NCOA2: variants seen among roughly 807,000 people sequenced by gnomAD.
The protein encoded by NCOA2 is nuclear receptor coactivator 2.
NCOA2 carries 21 observed loss-of-function variants against 145.1 expected under a neutral mutation model. The observed-to-expected ratio is 0.14, with a 90% CI of 0.10 to 0.21. NCOA2 has a LOEUF of 0.21. Ranked by LOEUF, NCOA2 falls within the 10% of genes least tolerant of loss-of-function variation. The pLI is 1.00. For missense variants in NCOA2, 1,472 were observed against 1,837.6 expected (o/e 0.80, Z 3.64); for synonymous variants, 619 against 637.5 (o/e 0.97, Z 0.44).
At chr8:70,276,720 G>C (rs1011539982) in intron 2 of NCOA2, among the ~76,000 whole-genome samples, 4 of 152,282 alleles carry the variant, frequency 2.6e-5, no homozygotes, top group East Asian at 1.9e-4. Flanking sequence ...ATGTGAAACT[G>C]TGAGTCAATT....
intron 2 of NCOA2, among the ~76,000 whole-genome samples, chr8:70,282,902 T>C (rs1180024590): frequency 6.6e-6 from 1 of 152,206 alleles, no homozygotes; most frequent in African/African-American, 2.4e-5. Context: ...TTTTCTAAAA[T>C]ACTAATGTAC....
Position 70,128,787 on chromosome 8 carries a change from C to T in NCOA2, c.3518G>A (p.Arg1173Lys). The change falls in exon 17 of 23, where the codon AGA (arginine) becomes AAA (lysine). Residue 1173 changes from arginine to lysine, a missense_variant. By Grantham distance (26) the Arg-to-Lys change is conservative. Transcript: ENST00000452400. ...PSYATLRMQP[R>K]PGLRPTGLVQ... ...TAGGCCCGTGGGCCTGAGGCCCGGT[C>T]TGGGCTGCATACGGAGTGTGGCATA... is the stretch of plus-strand genomic sequence containing the variant. 1 of 1,614,052 alleles carries T rather than the reference C, an allele frequency of 6.2e-7. No individual in the cohort carries two copies. Among genetic ancestry groups the T allele is most frequent in the Non-Finnish European group, 8.5e-7 (1 of 1,179,906 alleles).
the NCOA2 span, among the ~76,000 whole-genome samples, chr8:70,441,782 G>GAGAAAGAAAGAAAGAA: frequency 1.1e-4 from 15 of 139,414 alleles, no homozygotes; most frequent in African/African-American, 4.1e-4. Context: ...AAAGAAAGAA[G>GAGAAAGAAAGAAAGAA]AGAAAGAAAG....
chr8:70,123,881 C>CA lies in NCOA2; in HGVS notation c.4293+2dup. On this transcript the variant is annotated splice_region_variant and intron_variant, in intron 21 of 22. Coordinates refer to ENST00000452400, the MANE Select transcript of NCOA2 (RefSeq NM_006540.4). ...ACTGGGTTGCTTCTCCTTGGGCACT[C>CA]ACCTGCTCGGGACCCATGGAGGACA... is the stretch of plus-strand genomic sequence containing the variant. The CA allele has an allele frequency of 6.2e-7, 1 of 1,603,258 alleles. No homozygotes were observed. Among genetic ancestry groups the CA allele is most frequent in the Non-Finnish European group, 8.5e-7 (1 of 1,172,930 alleles).
At chr8:70,328,370 C>T (rs374774746) in intron 1 of NCOA2, among the ~76,000 whole-genome samples, 14 of 152,270 alleles carry the variant, frequency 9.2e-5, no homozygotes, top group Non-Finnish European at 1.3e-4. Context: ...TATGTTTCTA[C>T]GCAATAAGTT....
At chr8:70,352,759 T>G (rs141169571) in intron 1 of NCOA2, among the ~76,000 whole-genome samples, 6 of 152,322 alleles carry the variant, frequency 3.9e-5, no homozygotes, top group Admixed American at 6.5e-5. Context: ...TCTATTACAG[T>G]TTTCTTAACA....
chr8:70,205,709 G>A (rs1181961866), intron 4 of NCOA2, among the ~76,000 whole-genome samples: 1 of 152,128 alleles, frequency 6.6e-6, no homozygotes, highest in Admixed American at 6.6e-5. Flanking sequence ...AAGTGCAAAG[G>A]AGGTTGTCGG....
chr8:70,309,676 C>T (rs946295353), intron 1 of NCOA2, among the ~76,000 whole-genome samples: 2 of 151,994 alleles, frequency 1.3e-5, no homozygotes, highest in Admixed American at 6.6e-5. Flanking sequence ...CTTGGCCAAG[C>T]GCAGTAGCAA....
chr8:70,374,412 C>G (rs1467741597), intron 1 of NCOA2, among the ~76,000 whole-genome samples: 4 of 147,714 alleles, frequency 2.7e-5, no homozygotes. Flanking sequence ...GCAGAGGTTA[C>G]AATGAGCTAA....
intron 2 of NCOA2, among the ~76,000 whole-genome samples, chr8:70,271,810 C>A (rs1825069485): frequency 6.6e-6 from 1 of 152,172 alleles, no homozygotes. Context: ...TTGCCCTCAA[C>A]CCACATGTTT....
chr8:70,255,223 A>C (rs184130815), intron 2 of NCOA2, among the ~76,000 whole-genome samples: 1 of 152,196 alleles, frequency 6.6e-6, no homozygotes, highest in Non-Finnish European at 1.5e-5. Flanking sequence ...TGTGTGCCCA[A>C]GGTTTCAAGC....
At chr8:70,419,022 T>A in the NCOA2 span, among the ~76,000 whole-genome samples, 35 of 151,938 alleles carry the variant, frequency 2.3e-4, no homozygotes, top group Admixed American at 8.5e-4. Context: ...GGGTTGTCAG[T>A]GCCAAGCTGA....
intron 2 of NCOA2, among the ~76,000 whole-genome samples, chr8:70,259,841 A>T (rs1823963452): frequency 6.6e-6 from 1 of 152,232 alleles, no homozygotes; most frequent in Non-Finnish European, 1.5e-5. Flanking sequence ...CTCGCACATA[A>T]AAGTCTTATA....
Position 70,144,655 on chromosome 8 carries a change from C to T in NCOA2, c.2799G>A (p.Gly933=), listed in dbSNP as rs1810816881. 4 of 1,613,760 alleles carry T rather than the reference C, an allele frequency of 2.5e-6. No individual in the cohort carries two copies. The highest frequency in any genetic ancestry group is 3.4e-6 in the Non-Finnish European group (4 of 1,179,704). ...TTGACCCCTTACCTGTGCTACTGTT[C>T]CCTAAATTTCCTTGGTTTCCTATCA... ...QGMIGNQGNL[G]NSSTGMIGNS... is the part of the protein sequence containing the mutation. The change falls in exon 13 of 23, where the codon GGG becomes GGA. Residue 933 remains glycine, a synonymous_variant. Transcript: ENST00000452400.
intron 1 of NCOA2, among the ~76,000 whole-genome samples, chr8:70,346,391 T>C (rs1319359374): frequency 6.6e-6 from 1 of 152,222 alleles, no homozygotes; most frequent in Admixed American, 6.5e-5. Context: ...TTGACAGAGA[T>C]AAGCAAAGGG....
rs61028027 is a variant in NCOA2, at chr8:70,314,180, C to CAAAAAAAAAAA, written c.-76-17391_-76-17381dup. Among the ~76,000 whole-genome samples, 87 of 17,200 alleles carry CAAAAAAAAAAA rather than the reference C, an allele frequency of 5.1e-3. 13 individuals carry two copies. Among genetic ancestry groups the CAAAAAAAAAAA allele is most frequent in the East Asian group, 0.041 (10 of 244 alleles). 11.3% of individuals were successfully genotyped at this position (17,200 alleles called of 152,430 possible). On this transcript the variant is annotated intron_variant, in intron 1 of 22. Coordinates refer to ENST00000452400, the MANE Select transcript of NCOA2 (RefSeq NM_006540.4). ...GGGCGACAGAGCAAGACTCTGACTC[C>CAAAAAAAAAAA]AAAAAAAAAAAAAAAAAAAAAAAAA...
In NCOA2 at chr8:70,126,868, G is replaced by C; in HGVS notation, c.3861C>G (p.Ser1287Arg). The change falls in exon 19 of 23, where the codon AGC (serine) becomes AGG (arginine). Residue 1287 changes from serine to arginine, a missense_variant. By Grantham distance (110) the Ser-to-Arg change is moderately radical (BLOSUM62 -1). Transcript: ENST00000452400. ...CATTTGCCTGGGGAATCCGAGGGTT[G>C]CTCATAGTTGCTGGCATACCACTAG... ...VAPSGMPATM[S>R]NPRIPQANAQ... 1.2e-6 allele frequency: 2 copies of C among 1,614,008 alleles called. No individual in the cohort carries two copies. The highest frequency in any genetic ancestry group is 8.5e-7 in the Non-Finnish European group (1 of 1,179,886).
At position 70,373,182 on chromosome 8, in the gene NCOA2, C is replaced by A. The variant is rs556863474; in HGVS notation, c.-77+30518G>T. ...TTACAAGACACTTTCTAAAAAACTG[C>A]GAACCTGTTTTCCAAAGAACACCTC... On this transcript the variant is annotated intron_variant, in intron 1 of 22. Coordinates refer to ENST00000452400, the MANE Select transcript of NCOA2 (RefSeq NM_006540.4). Among the ~76,000 whole-genome samples the A allele has an allele frequency of 1.4e-4, 21 of 152,244 alleles. No homozygotes were observed. The South Asian group carries it at 2.9e-3, about 21-fold the overall frequency.
intron 2 of NCOA2, among the ~76,000 whole-genome samples, chr8:70,243,286 A>C (rs1365920889): frequency 6.6e-6 from 1 of 152,110 alleles, no homozygotes; most frequent in African/African-American, 2.4e-5. Context: ...TAAAACTACC[A>C]TCCAAATCTG....
Sources: gnomAD v4.1 joint callset for allele counts (sites outside exome capture counted in the v4.1 genomes callset) on GRCh38, gnomAD v4.1.1 for gene constraint, MANE v1.5 for transcripts, NCBI Gene and HGNC (gene_info 2026-07-23, HGNC 2026-07-21) for gene names.